KCNN2: variants seen among roughly 807,000 people sequenced by gnomAD.
KCNN2 encodes the protein potassium calcium-activated channel subfamily N member 2.
A neutral mutation model predicts 55.5 loss-of-function variants in KCNN2; 24 were observed. The ratio of observed to expected loss-of-function variants is 0.43; its 90% CI spans 0.31 to 0.61. The LOEUF is 0.61. Ranked by LOEUF, KCNN2 falls within the 20% of genes least tolerant of loss-of-function variation. The pLI is 0.08. For missense variants in KCNN2, 754 were observed against 853.6 expected (o/e 0.88, Z 1.45); for synonymous variants, 431 against 336.1 (o/e 1.28, Z -3.09).
rs1488755558 is a variant in KCNN2 at position 114,362,669 on chromosome 5, G to A, written c.530G>A (p.Gly177Asp). Residue 177 changes from glycine to aspartate, a missense_variant, in exon 1 of 8, where the codon GGC becomes GAC. Coordinates refer to ENST00000673685, the MANE Select transcript of KCNN2 (RefSeq NM_021614.4). ...ASPTGSLGSL[G>D]SGPPLSHHHH... Reference sequence around the variant, plus strand: ...CCCACGGGCAGCCTCGGCAGTCTGGGCTCCGGGCCCCCGCTCTCGCACCAC... The same window carrying A: ...CCCACGGGCAGCCTCGGCAGTCTGGACTCCGGGCCCCCGCTCTCGCACCAC... 2 of 1,414,506 alleles carry A rather than the reference G, an allele frequency of 1.4e-6. No homozygotes were observed. Among genetic ancestry groups the A allele is most frequent in the Non-Finnish European group, 9.2e-7 (1 of 1,081,154 alleles). 87.6% of individuals were successfully genotyped at this position (1,414,506 alleles called of 1,614,324 possible). A position where few individuals can be genotyped will look rare whatever the true frequency, so the allele number is the denominator to read the frequency against.
At chr5:114,271,122 A>G (rs1461700053) in intron 2 of KCNN2, among the ~76,000 whole-genome samples, 2 of 152,266 alleles carry the variant, frequency 1.3e-5, no homozygotes, top group African/African-American at 2.4e-5. Flanking sequence ...GGCCCTGCCC[A>G]TATCCTGCTG....
chr5:114,086,122 C>T (rs1751010897), intron 1 of KCNN2, among the ~76,000 whole-genome samples: 1 of 151,914 alleles, frequency 6.6e-6, no homozygotes, highest in Non-Finnish European at 1.5e-5. Flanking sequence ...GCCATCTCTC[C>T]CTTCCTTCCT....
intron 3 of KCNN2, among the ~76,000 whole-genome samples, chr5:114,409,059 C>T (rs1759036355): frequency 6.6e-6 from 1 of 152,144 alleles, no homozygotes; most frequent in Non-Finnish European, 1.5e-5. Flanking sequence ...TGGATTGGGA[C>T]ACTGGGATTT....
chr5:114,235,370 A>G (rs1754468996), intron 2 of KCNN2, among the ~76,000 whole-genome samples: 4 of 152,218 alleles, frequency 2.6e-5, no homozygotes. Flanking sequence ...ATTTTAGTAA[A>G]TGTTTTAATG....
At chr5:114,477,265 G>A (rs771574408) in intron 5 of KCNN2, among the ~76,000 whole-genome samples, 5 of 152,164 alleles carry the variant, frequency 3.3e-5, no homozygotes, top group Admixed American at 1.3e-4. Flanking sequence ...CCCAGGAACA[G>A]ATGTAACATT....
chr5:114,420,496 C>T (rs1168958861), intron 3 of KCNN2, among the ~76,000 whole-genome samples: 1 of 152,144 alleles, frequency 6.6e-6, no homozygotes, highest in African/African-American at 2.4e-5. Context: ...AGAAATTGAC[C>T]AGCAAAAGAT....
chr5:114,471,330 CTT>C (rs56716176), intron 4 of KCNN2, among the ~76,000 whole-genome samples: 140,527 of 152,130 alleles, frequency 0.92, 65,967 homozygotes, highest in East Asian at 1. Flanking sequence ...ACTTATAATA[CTT>C]TTAATACAAT....
chr5:114,430,673 T>TA (rs752421515), intron 3 of KCNN2, among the ~76,000 whole-genome samples: 6 of 152,112 alleles, frequency 3.9e-5, no homozygotes, highest in Non-Finnish European at 5.9e-5. Flanking sequence ...TTCCTGATCT[T>TA]ACCAGGAAAG....
chr5:114,270,433 G>C (rs1259896476), intron 2 of KCNN2, among the ~76,000 whole-genome samples: 1 of 152,050 alleles, frequency 6.6e-6, no homozygotes, highest in Non-Finnish European at 1.5e-5. Flanking sequence ...ACTGAAGATT[G>C]TGATATATAT....
At chr5:114,253,384 G>T (rs1227975699) in intron 2 of KCNN2, 1 of 152,192 alleles carries the variant, frequency 6.6e-6, no homozygotes, top group Admixed American at 6.5e-5. Context: ...CAGAAGCAGA[G>T]AAAAGTAAAA....
At chr5:114,242,150 C>A (rs150464151) in intron 2 of KCNN2, among the ~76,000 whole-genome samples, 1 of 151,694 alleles carries the variant, frequency 6.6e-6, no homozygotes, top group South Asian at 2.1e-4. Flanking sequence ...GGACAATAAG[C>A]ATGCCTGCTT....
chr5:114,119,597 A>C (rs1254901940), intron 1 of KCNN2, among the ~76,000 whole-genome samples: 10 of 152,088 alleles, frequency 6.6e-5, no homozygotes, highest in Non-Finnish European at 1.5e-5. Context: ...TACCCTGAAC[A>C]TTCTAATTCC....
chr5:114,241,748 A>ACG (rs1754634307), intron 2 of KCNN2, among the ~76,000 whole-genome samples: 1 of 11,320 alleles, frequency 8.8e-5, no homozygotes, highest in Non-Finnish European at 1.7e-4. Context: ...ATACGTATAT[A>ACG]TATGTATATA....
chr5:114,478,419 C>T (rs1327277550), intron 5 of KCNN2, among the ~76,000 whole-genome samples: 2 of 151,842 alleles, frequency 1.3e-5, no homozygotes, highest in African/African-American at 2.4e-5. Flanking sequence ...AAACATACAA[C>T]TGATTGGGGT....
At chr5:114,181,442 G>T (rs1432509944) in intron 1 of KCNN2, among the ~76,000 whole-genome samples, 1 of 151,976 alleles carries the variant, frequency 6.6e-6, no homozygotes, top group Admixed American at 6.6e-5. Flanking sequence ...TTATTTTTTG[G>T]ATTGGTTATA....
chr5:114,282,955 T>C (rs551870309), intron 2 of KCNN2, among the ~76,000 whole-genome samples: 6 of 152,212 alleles, frequency 3.9e-5, no homozygotes, highest in African/African-American at 9.6e-5. Flanking sequence ...GCTACTCCTA[T>C]GAATTTAATC....
chr5:114,333,447 GT>G (rs1012624795), intron 2 of KCNN2, among the ~76,000 whole-genome samples: 3 of 152,128 alleles, frequency 2.0e-5, no homozygotes, highest in African/African-American at 7.2e-5. Flanking sequence ...ATCCTTTGCT[GT>G]TTTGAGGAAT....
chr5:114,201,739 T>C (rs148127453), intron 1 of KCNN2, among the ~76,000 whole-genome samples: 1 of 151,866 alleles, frequency 6.6e-6, no homozygotes, highest in African/African-American at 2.4e-5. Context: ...CAAGAAGCTG[T>C]GGGGAGTGTG....
At chr5:114,359,299 C>A (rs1757360285), upstream of KCNN2, among the ~76,000 whole-genome samples, 1 of 152,090 alleles carries the variant, frequency 6.6e-6, no homozygotes, top group African/African-American at 2.4e-5. Context: ...GCATTCTATC[C>A]TCCTGTGTAC....
Sources: gnomAD v4.1 joint callset for allele counts (sites outside exome capture counted in the v4.1 genomes callset) on GRCh38, gnomAD v4.1.1 for gene constraint, MANE v1.5 for transcripts, NCBI Gene and HGNC (gene_info 2026-07-23, HGNC 2026-07-21) for gene names.